Variants in TTC39B observed in about 807,000 individuals in gnomAD.
TTC39B encodes the protein tetratricopeptide repeat domain 39B.
In TTC39B, 92 loss-of-function variants were observed where a neutral mutation model predicts 96.6. That is an observed-to-expected ratio of 0.95 (90% CI 0.80 to 1.13). The LOEUF (loss-of-function observed/expected upper bound fraction) is 1.13. TTC39B is among the 50% of genes most tolerant of loss of function. TTC39B has a pLI of 0.00. For synonymous variants in TTC39B, 367 were observed against 299.4 expected (o/e 1.23, Z -2.33); for missense variants, 955 against 809.3 (o/e 1.18, Z -2.18).
chr9:15,190,746 G>C lies in TTC39B; in HGVS notation c.997-84C>G, dbSNP rs1037470702. 2.4e-5 allele frequency: 26 copies of C among 1,102,798 alleles called. No individual in the cohort carries two copies. In the African/African-American group the frequency reaches 3.7e-4, roughly 16 times the overall value. The allele number at this position is 1,102,798 out of a possible 1,614,324, so 68.3% of individuals were successfully genotyped here. On this transcript the variant is annotated intron_variant, in intron 10 of 19. Coordinates refer to ENST00000512701, the Ensembl canonical transcript of TTC39B. ...ACTTTTTAAACATTTTTATATATTA[G>C]GGGGGTTACAAGTACAGATTTCATA...
At chr9:15,203,228 C>T (rs1021511269) in intron 7 of TTC39B, among the ~76,000 whole-genome samples, 16 of 152,078 alleles carry the variant, frequency 1.1e-4, no homozygotes, top group African/African-American at 3.4e-4. Context: ...TTAGATGTGA[C>T]GGTTGCAAAG....
chr9:15,178,401 C>G (rs911541363), intron 17 of TTC39B, among the ~76,000 whole-genome samples: 2 of 151,920 alleles, frequency 1.3e-5, no homozygotes, highest in African/African-American at 4.8e-5. Flanking sequence ...AATGAGACCC[C>G]GTCTCTACAA....
intron 2 of TTC39B, among the ~76,000 whole-genome samples, chr9:15,240,321 C>T (rs1333324251): frequency 3.3e-5 from 5 of 152,170 alleles, no homozygotes; most frequent in Admixed American, 3.3e-4. Context: ...AGGGCAAGCA[C>T]CAACAAAGGA....
intron 19 of TTC39B, among the ~76,000 whole-genome samples, chr9:15,174,508 C>T (rs1423692252): frequency 6.6e-6 from 1 of 152,166 alleles, no homozygotes; most frequent in African/African-American, 2.4e-5. Context: ...AAAACAGAGT[C>T]TGGGTAAGAT....
chr9:15,180,178 T>G (rs1588846667), intron 17 of TTC39B, among the ~76,000 whole-genome samples: 1 of 152,302 alleles, frequency 6.6e-6, no homozygotes. Flanking sequence ...AAGCCCAAAC[T>G]ACAAAAAGTA....
At chr9:15,184,660 G>C (rs1209102390) in intron 16 of TTC39B, among the ~76,000 whole-genome samples, 3 of 152,168 alleles carry the variant, frequency 2.0e-5, no homozygotes, top group African/African-American at 7.2e-5. Flanking sequence ...GCTGGAGCTA[G>C]AATACAACAG....
chr9:15,190,669 G>T lies in TTC39B; in HGVS notation c.997-7C>A. ...ACTGCAGGAGGCCCAACTCCTATGGGAATTAAATGCATTTTTAGAAAGAGA... is the reference window on the plus strand; with the variant it reads ...ACTGCAGGAGGCCCAACTCCTATGGTAATTAAATGCATTTTTAGAAAGAGA... On this transcript the variant is annotated splice_polypyrimidine_tract_variant and splice_region_variant and intron_variant, in intron 10 of 19. Transcript: ENST00000512701. 6.2e-7 allele frequency: 1 copy of T among 1,607,034 alleles called. No individual in the cohort carries two copies. The highest frequency in any genetic ancestry group is 8.5e-7 in the Non-Finnish European group (1 of 1,174,026).
intron 1 of TTC39B, among the ~76,000 whole-genome samples, chr9:15,295,347 G>C (rs554684182): frequency 6.6e-6 from 1 of 152,188 alleles, no homozygotes; most frequent in African/African-American, 2.4e-5. Flanking sequence ...TAGGCAGGAG[G>C]TGGGCAGGCT....
intron 2 of TTC39B, among the ~76,000 whole-genome samples, chr9:15,255,898 CTG>C (rs1822732984): frequency 6.6e-6 from 1 of 152,160 alleles, no homozygotes; most frequent in Non-Finnish European, 1.5e-5. Flanking sequence ...GCAATTATCA[CTG>C]TGCCCTATAC....
At chr9:15,304,396 C>A (rs1824691174) in intron 1 of TTC39B, among the ~76,000 whole-genome samples, 1 of 152,170 alleles carries the variant, frequency 6.6e-6, no homozygotes, top group Non-Finnish European at 1.5e-5. Flanking sequence ...ATTATAATAT[C>A]TAAGATGCTT....
chr9:15,175,962 G>A (rs1438254026), intron 18 of TTC39B, among the ~76,000 whole-genome samples: 1 of 152,186 alleles, frequency 6.6e-6, no homozygotes, highest in Admixed American at 6.5e-5. Flanking sequence ...AAAGACAGTT[G>A]TCTCCTTGGC....
intron 1 of TTC39B, among the ~76,000 whole-genome samples, chr9:15,293,250 C>G (rs2156109): frequency 0.89 from 134,562 of 151,792 alleles, 59,706 homozygotes; most frequent in East Asian, 0.97. Context: ...GTGTAGTAGG[C>G]TGTACCATCT....
intron 1 of TTC39B, among the ~76,000 whole-genome samples, chr9:15,282,074 T>G (rs1340348147): frequency 1.3e-5 from 2 of 152,204 alleles, no homozygotes; most frequent in African/African-American, 4.8e-5. Context: ...AACTATAAAT[T>G]AATTTGTTCA....
At chr9:15,284,827 A>G (rs1823897895) in intron 1 of TTC39B, among the ~76,000 whole-genome samples, 1 of 152,208 alleles carries the variant, frequency 6.6e-6, no homozygotes, top group Admixed American at 6.5e-5. Context: ...ATGTATTACT[A>G]TATATGTAAA....
chr9:15,288,868 G>A (rs933676884), intron 1 of TTC39B, among the ~76,000 whole-genome samples: 6 of 152,186 alleles, frequency 3.9e-5, no homozygotes, highest in African/African-American at 1.4e-4. Context: ...TAAGGGGTTT[G>A]AGCATGCATG....
chr9:15,189,657 A>G, intron 12 of TTC39B, 24 bp from the exon 13 acceptor site: 1 of 1,614,160 alleles, frequency 6.2e-7, no homozygotes, highest in South Asian at 1.1e-5. Context: ...AAGAAAACAC[A>G]CTGTTCAACA....
At position 15,306,248 on chromosome 9, in the gene TTC39B, G is replaced by C. The variant is rs766029199; in HGVS notation, c.240+836C>G. On this transcript the variant is annotated intron_variant, in intron 1 of 19. Coordinates refer to ENST00000512701, the Ensembl canonical transcript of TTC39B. This position sits in a 1 kb window ranked among gnomAD's most constrained non-coding sequence, Gnocchi z 5.1. ...TCGGTCTCAACTTCAAGAGCAGGGAGAGCGCTGTCTCTGGAGTTGCCAGGT... is the reference window on the plus strand; with the variant it reads ...TCGGTCTCAACTTCAAGAGCAGGGACAGCGCTGTCTCTGGAGTTGCCAGGT... Among the ~76,000 whole-genome samples the C allele has an allele frequency of 3.3e-5, 5 of 152,230 alleles. No homozygotes were observed. Among genetic ancestry groups the C allele is most frequent in the South Asian group, 2.1e-4 (1 of 4,836 alleles).
rs1185227059 is a variant in TTC39B, at chr9:15,267,968, CA to C, written c.241-21del. 1.2e-6 allele frequency: 2 copies of C among 1,606,630 alleles called. No homozygotes were observed. Among genetic ancestry groups the C allele is most frequent in the Non-Finnish European group, 1.7e-6 (2 of 1,177,064 alleles). On this transcript the variant is annotated intron_variant, in intron 1 of 19. Coordinates refer to ENST00000512701, the Ensembl canonical transcript of TTC39B. Reference sequence around the variant, plus strand: ...AACGTCCTGGGGGAAATAAAAAATACAATGAGTTTCTCAAGAATTCTCAATG... The same window carrying C: ...AACGTCCTGGGGGAAATAAAAAATACATGAGTTTCTCAAGAATTCTCAATG...
intron 3 of TTC39B, among the ~76,000 whole-genome samples, chr9:15,223,856 T>A (rs1487581163): frequency 1.4e-5 from 2 of 147,688 alleles, no homozygotes; most frequent in African/African-American, 2.5e-5. Context: ...AAAAAAAAAA[T>A]GCTCACTAGA....
Sources: gnomAD v4.1 joint callset for allele counts (sites outside exome capture counted in the v4.1 genomes callset) on GRCh38, gnomAD v4.1.1 for gene constraint, Gnocchi (gnomAD v3.1) non-coding constraint, MANE v1.5 for transcripts, NCBI Gene and HGNC (gene_info 2026-07-23, HGNC 2026-07-21) for gene names.